The following SGCZ variants were observed in gnomAD, a reference collection of about 807,000 sequenced individuals.
SGCZ encodes the protein sarcoglycan zeta.
SGCZ carries 40 observed loss-of-function variants against 41.3 expected under a neutral mutation model. That is an observed-to-expected ratio of 0.97 (90% CI 0.75 to 1.26). The LOEUF (loss-of-function observed/expected upper bound fraction) is 1.26. SGCZ is among the 50% of genes most tolerant of loss of function. SGCZ has a pLI of 0.00. For synonymous variants in SGCZ, 206 were observed against 137.5 expected, an observed-to-expected ratio of 1.50 and a Z score of -3.49; for missense variants, 552 against 369.8, an observed-to-expected ratio of 1.49 and a Z score of -4.04.
intron 5 of SGCZ, among the ~76,000 whole-genome samples, chr8:14,119,453 G>A (rs1405022931): frequency 6.6e-6 from 1 of 152,130 alleles, no homozygotes; most frequent in Non-Finnish European, 1.5e-5. Flanking sequence ...AGCTTAAGGA[G>A]ATTTTGGGCT....
intron 1 of SGCZ, among the ~76,000 whole-genome samples, chr8:14,842,831 T>G (rs898666703): frequency 2.0e-5 from 3 of 152,166 alleles, no homozygotes; most frequent in African/African-American, 7.2e-5. Flanking sequence ...CTGTTAAAGT[T>G]AGCATTGAAA....
intron 1 of SGCZ, among the ~76,000 whole-genome samples, chr8:15,096,755 G>A (rs757901275): frequency 2.0e-5 from 3 of 151,662 alleles, no homozygotes; most frequent in Non-Finnish European, 2.9e-5. Context: ...GTGCAATCTC[G>A]GCTCACTGTA....
At chr8:14,401,199 A>G (rs913263918) in intron 2 of SGCZ, among the ~76,000 whole-genome samples, 2 of 152,188 alleles carry the variant, frequency 1.3e-5, no homozygotes, top group Non-Finnish European at 2.9e-5. Context: ...CTTTCTTTGC[A>G]TTATGCATAT....
intron 2 of SGCZ, among the ~76,000 whole-genome samples, chr8:14,466,293 C>T (rs1403888766): frequency 6.6e-6 from 1 of 151,960 alleles, no homozygotes; most frequent in Non-Finnish European, 1.5e-5. Context: ...AATATATCTG[C>T]TCAATGCGTT....
At chr8:14,235,255 T>C (rs904627096) in intron 4 of SGCZ, among the ~76,000 whole-genome samples, 1 of 152,230 alleles carries the variant, frequency 6.6e-6, no homozygotes. Flanking sequence ...TCTTTTGTTC[T>C]ATGTTCACTA....
rs531186307 is a variant in SGCZ at position 14,568,784 on chromosome 8, C to T, written c.40-13858G>A. Among the ~76,000 whole-genome samples, 6 of 152,216 alleles carry T rather than the reference C, an allele frequency of 3.9e-5. No homozygotes were observed. In the South Asian group the frequency reaches 1.0e-3, roughly 26 times the overall value. On this transcript the variant is annotated intron_variant, in intron 1 of 7. Coordinates refer to ENST00000382080, the MANE Select transcript of SGCZ (RefSeq NM_139167.4). Reference sequence around the variant, plus strand: ...AGGGAGCAAGCACTTTGAGAATCACCGTAGTGCCATTTACTCCATCATTAC... The same window carrying T: ...AGGGAGCAAGCACTTTGAGAATCACTGTAGTGCCATTTACTCCATCATTAC...
intron 1 of SGCZ, among the ~76,000 whole-genome samples, chr8:14,597,474 T>A (rs1299839166): frequency 2.0e-5 from 3 of 152,134 alleles, no homozygotes; most frequent in Non-Finnish European, 4.4e-5. Flanking sequence ...CCTTTTTTTG[T>A]TTGTTTGTTT....
In SGCZ at chr8:14,936,416, T is replaced by C. The variant is rs150807144; in HGVS notation, c.39+301169A>G. Reference sequence around the variant, plus strand: ...ATGTAATACAAAGCCTAGTTTATAATAAAGTAATGAATATCTCGTAATTTA... The same window carrying C: ...ATGTAATACAAAGCCTAGTTTATAACAAAGTAATGAATATCTCGTAATTTA... On this transcript the variant is annotated intron_variant, in intron 1 of 7. Coordinates refer to ENST00000382080, the MANE Select transcript of SGCZ (RefSeq NM_139167.4). Among the ~76,000 whole-genome samples the C allele has an allele frequency of 1.5e-3, 233 of 152,056 alleles. 1 individual carries two copies. The highest frequency in any genetic ancestry group is 0.012 in the Admixed American group (185 of 15,260).
At chr8:14,462,144 G>T (rs1470295611) in intron 2 of SGCZ, among the ~76,000 whole-genome samples, 1 of 151,642 alleles carries the variant, frequency 6.6e-6, no homozygotes, top group Non-Finnish European at 1.5e-5. Context: ...ATTTAACATT[G>T]TGACACTCAA....
chr8:15,172,157 T>TTTTTTTTATTTATTTA (rs1563164663), intron 1 of SGCZ, among the ~76,000 whole-genome samples: 6 of 90,428 alleles, frequency 6.6e-5, no homozygotes, highest in East Asian at 3.1e-4. Context: ...ATACTCTGTT[T>TTTTTTTTATTTATTTA]TTTTTTTTTT....
intron 1 of SGCZ, among the ~76,000 whole-genome samples, chr8:14,637,462 T>G (rs771953873): frequency 5.9e-5 from 9 of 151,758 alleles, no homozygotes; most frequent in Non-Finnish European, 1.2e-4. Context: ...TCAACCCACA[T>G]ATCTCTCCCT....
intron 2 of SGCZ, among the ~76,000 whole-genome samples, chr8:14,385,701 T>G (rs900477420): frequency 6.6e-6 from 1 of 151,600 alleles, no homozygotes; most frequent in African/African-American, 2.4e-5. Context: ...AGTAATACAT[T>G]AAAGAAAGAA....
Position 15,118,374 on chromosome 8 carries a change from G to T in SGCZ, c.39+119211C>A, listed in dbSNP as rs534047743. Among the ~76,000 whole-genome samples the T allele has an allele frequency of 5.1e-3, 780 of 152,144 alleles. 5 individuals carry two copies. Among genetic ancestry groups the T allele is most frequent in the African/African-American group, 0.018 (758 of 41,494 alleles). ...CTAACTGGACGGTCTAAGTTCTCTGGGTGTGACTCCCAGACAGTAAAAGAA... is the reference window on the plus strand; with the variant it reads ...CTAACTGGACGGTCTAAGTTCTCTGTGTGTGACTCCCAGACAGTAAAAGAA... On this transcript the variant is annotated intron_variant, in intron 1 of 7. Coordinates refer to ENST00000382080, the MANE Select transcript of SGCZ (RefSeq NM_139167.4).
intron 6 of SGCZ, among the ~76,000 whole-genome samples, chr8:14,104,354 T>G (rs1335393755): frequency 2.0e-5 from 3 of 151,856 alleles, no homozygotes; most frequent in Non-Finnish European, 2.9e-5. Context: ...TTCAAAGCAT[T>G]CTGTTTTTTT....
At chr8:14,820,311 T>C (rs1402987206) in intron 1 of SGCZ, among the ~76,000 whole-genome samples, 2 of 151,978 alleles carry the variant, frequency 1.3e-5, no homozygotes, top group Non-Finnish European at 2.9e-5. Context: ...TAAGAGTATA[T>C]AATAGTTGCA....
intron 2 of SGCZ, among the ~76,000 whole-genome samples, chr8:14,390,473 T>G (rs745619573): frequency 6.3e-4 from 96 of 151,892 alleles, no homozygotes; most frequent in East Asian, 7.7e-4. Context: ...TGTAGATAAA[T>G]AAAAGACTTT....
intron 1 of SGCZ, among the ~76,000 whole-genome samples, chr8:14,912,487 T>C (rs1219681892): frequency 3.9e-5 from 6 of 152,082 alleles, no homozygotes; most frequent in Admixed American, 1.3e-4. Flanking sequence ...TTATTTCCAA[T>C]GCATCATTTT....
At chr8:14,469,986 C>G (rs939485272) in intron 2 of SGCZ, among the ~76,000 whole-genome samples, 2 of 151,996 alleles carry the variant, frequency 1.3e-5, no homozygotes, top group African/African-American at 4.8e-5. Flanking sequence ...TAATTGAACC[C>G]AAAGATGGGT....
chr8:14,636,229 T>C (rs1806824970), intron 1 of SGCZ, among the ~76,000 whole-genome samples: 1 of 151,906 alleles, frequency 6.6e-6, no homozygotes, highest in African/African-American at 2.4e-5. Context: ...GAGAAGCTGG[T>C]AGTGATCTTA....
Sources: gnomAD v4.1 joint callset for allele counts (sites outside exome capture counted in the v4.1 genomes callset) on GRCh38, gnomAD v4.1.1 for gene constraint, MANE v1.5 for transcripts, NCBI Gene and HGNC (gene_info 2026-07-23, HGNC 2026-07-21) for gene names.